Variants in KCNH7 observed in about 807,000 individuals in gnomAD.
The protein encoded by KCNH7 is voltage-gated inwardly rectifying potassium channel KCNH7.
KCNH7 carries 49 observed loss-of-function variants against 120.8 expected under a neutral mutation model. The observed-to-expected ratio is 0.41, with a 90% CI of 0.32 to 0.51. The LOEUF is 0.51. Among genes scored for constraint, KCNH7 ranks in the 20% least tolerant of loss-of-function variants. KCNH7 has a pLI of 0.38. For synonymous variants in KCNH7, 547 were observed against 516.1 expected (o/e 1.06, Z -0.81); for missense variants, 1,097 against 1,446.6 (o/e 0.76, Z 3.92).
chr2:162,521,122 T>C (rs1558992289), intron 3 of KCNH7, among the ~76,000 whole-genome samples: 1 of 151,874 alleles, frequency 6.6e-6, no homozygotes, highest in African/African-American at 2.4e-5. Flanking sequence ...TTAATAATTA[T>C]GCACTTGTTG....
At chr2:162,633,049 G>C (rs1683824793) in intron 2 of KCNH7, among the ~76,000 whole-genome samples, 1 of 151,760 alleles carries the variant, frequency 6.6e-6, no homozygotes, top group Non-Finnish European at 1.5e-5. Flanking sequence ...CCTTGGAAAA[G>C]TATTTGCAAG....
chr2:162,813,087 T>G (rs929652166), intron 2 of KCNH7, among the ~76,000 whole-genome samples: 2 of 152,144 alleles, frequency 1.3e-5, no homozygotes, highest in African/African-American at 2.4e-5. Flanking sequence ...CTCTGAAATT[T>G]AGGAAATATA....
At chr2:162,409,045 T>C (rs1002114096) in intron 9 of KCNH7, among the ~76,000 whole-genome samples, 4 of 151,768 alleles carry the variant, frequency 2.6e-5, no homozygotes, top group Admixed American at 2.6e-4. Flanking sequence ...ATGTTAAGAA[T>C]AGTAAAGTTA....
intron 2 of KCNH7, among the ~76,000 whole-genome samples, chr2:162,763,930 A>G (rs1182268879): frequency 4.6e-5 from 7 of 151,986 alleles, no homozygotes; most frequent in Non-Finnish European, 8.8e-5. Flanking sequence ...TGATGTGAGG[A>G]ATTTAATAAA....
At chr2:162,717,477 C>T (rs1049362392) in intron 2 of KCNH7, among the ~76,000 whole-genome samples, 3 of 152,132 alleles carry the variant, frequency 2.0e-5, no homozygotes, top group African/African-American at 7.2e-5. Flanking sequence ...CTGCTCACTG[C>T]TCTTCAGCCT....
chr2:162,503,597 T>C (rs1158638733), intron 6 of KCNH7, among the ~76,000 whole-genome samples: 1 of 152,088 alleles, frequency 6.6e-6, no homozygotes, highest in Non-Finnish European at 1.5e-5. Context: ...GTGTGGTTTG[T>C]AGTGATTACA....
At chr2:162,477,817 TATCCATCCATCCATCCATCC>T (rs4001398) in intron 6 of KCNH7, among the ~76,000 whole-genome samples, 1 of 148,902 alleles carries the variant, frequency 6.7e-6, no homozygotes, top group African/African-American at 2.5e-5. Flanking sequence ...CCCAAACATC[TATCCATCCATCCATCCATCC>T]ATCCATCCAT....
chr2:162,745,529 A>G (rs1289167577), intron 2 of KCNH7, among the ~76,000 whole-genome samples: 2 of 152,194 alleles, frequency 1.3e-5, no homozygotes, highest in African/African-American at 2.4e-5. Flanking sequence ...GATAATTTCA[A>G]TAACAATTTC....
rs576383249 is a variant in KCNH7 at position 162,390,987 on chromosome 2, C to T, written c.2710+3402G>A. 6.1e-4 allele frequency among the ~76,000 whole-genome samples: 93 copies of T among 151,986 alleles called. 3 individuals carry two copies. The South Asian group carries it at 0.018, about 29-fold the overall frequency. ...GCATAATTGGAAGCGGAGTGGCAGG[C>T]GGCAGGTGTGGATCAAAGCCGGCAA... On this transcript the variant is annotated intron_variant, in intron 12 of 15. Coordinates refer to ENST00000332142, the MANE Select transcript of KCNH7 (RefSeq NM_033272.4).
At chr2:162,656,794 G>C (rs979645658) in intron 2 of KCNH7, among the ~76,000 whole-genome samples, 8 of 151,996 alleles carry the variant, frequency 5.3e-5, no homozygotes, top group African/African-American at 1.9e-4. Context: ...AAAATACAAA[G>C]GAAAAATGCA....
intron 2 of KCNH7, among the ~76,000 whole-genome samples, chr2:162,542,088 T>G (rs1692325666): frequency 6.6e-6 from 1 of 152,056 alleles, no homozygotes; most frequent in African/African-American, 2.4e-5. Context: ...GAAATAAATT[T>G]AAAAGATATA....
At chr2:162,752,367 T>C (rs1024349116) in intron 2 of KCNH7, among the ~76,000 whole-genome samples, 3 of 152,192 alleles carry the variant, frequency 2.0e-5, no homozygotes, top group Admixed American at 1.3e-4. Flanking sequence ...TATTGATACA[T>C]GTCATTTCTT....
At chr2:162,746,603 T>G (rs1393938696) in intron 2 of KCNH7, among the ~76,000 whole-genome samples, 1 of 152,086 alleles carries the variant, frequency 6.6e-6, no homozygotes, top group African/African-American at 2.4e-5. Context: ...AATTCAAATT[T>G]CATGAAATCA....
chr2:162,423,313 T>C (rs755999931), intron 9 of KCNH7, 23 bp downstream of exon 9: 2 of 1,613,870 alleles, frequency 1.2e-6, no homozygotes, highest in Non-Finnish European at 1.7e-6. Flanking sequence ...GGCACTTTCA[T>C]TTTGGAAAAC....
intron 6 of KCNH7, among the ~76,000 whole-genome samples, chr2:162,455,113 T>C (rs1688914694): frequency 6.6e-6 from 1 of 152,210 alleles, no homozygotes; most frequent in African/African-American, 2.4e-5. Context: ...ATATGTTCCA[T>C]CAATGTCTAA....
chr2:162,810,687 A>G (rs1303145076), intron 2 of KCNH7, among the ~76,000 whole-genome samples: 1 of 152,134 alleles, frequency 6.6e-6, no homozygotes, highest in Non-Finnish European at 1.5e-5. Flanking sequence ...GTAAAAAACT[A>G]TTTTTTAAAT....
intron 2 of KCNH7, among the ~76,000 whole-genome samples, chr2:162,782,045 C>T: frequency 6.6e-6 from 1 of 152,328 alleles, no homozygotes. Context: ...ATTCATGACA[C>T]AAAACCCATG....
intron 6 of KCNH7, among the ~76,000 whole-genome samples, chr2:162,446,719 CT>C (rs1013662869): frequency 6.6e-6 from 1 of 152,008 alleles, no homozygotes; most frequent in African/African-American, 2.4e-5. Context: ...AGGAATGTTA[CT>C]GTTTCCTTTG....
At chr2:162,653,098 T>C (rs1171945611) in intron 2 of KCNH7, among the ~76,000 whole-genome samples, 1 of 152,144 alleles carries the variant, frequency 6.6e-6, no homozygotes, top group Non-Finnish European at 1.5e-5. Flanking sequence ...AAGCTCTCGA[T>C]TTAGAAGGTA....
Sources: gnomAD v4.1 joint callset for allele counts (sites outside exome capture counted in the v4.1 genomes callset) on GRCh38, gnomAD v4.1.1 for gene constraint, MANE v1.5 for transcripts, NCBI Gene and HGNC (gene_info 2026-07-23, HGNC 2026-07-21) for gene names.